The following CNTN4 variants were observed in gnomAD, a reference collection of about 807,000 sequenced individuals.
CNTN4 encodes contactin-4.
Under a neutral mutation model 122.5 loss-of-function variants are expected in CNTN4, and 77 were observed. The ratio of observed to expected loss-of-function variants is 0.63; its 90% confidence interval spans 0.52 to 0.76. The LOEUF is 0.76. CNTN4 is among the 30% of genes least tolerant of loss of function. The probability of loss-of-function intolerance (pLI) is 0.00; values close to 1 mark genes in which losing one functional copy is unlikely to be tolerated. For missense variants in CNTN4, 1,256 were observed against 1,259.1 expected, an observed-to-expected ratio of 1.00 and a Z score of 0.04; for synonymous variants, 512 against 447.0, an observed-to-expected ratio of 1.15 and a Z score of -1.83.
chr3:2,653,794 A>G (rs550091206), intron 4 of CNTN4, among the ~76,000 whole-genome samples: 98 of 152,260 alleles, frequency 6.4e-4, no homozygotes, highest in Non-Finnish European at 6.6e-4. Flanking sequence ...ATGGACACTA[A>G]ATGAATGAAT....
At chr3:2,467,231 A>G (rs1283538239) in intron 3 of CNTN4, among the ~76,000 whole-genome samples, 1 of 150,988 alleles carries the variant, frequency 6.6e-6, no homozygotes. Context: ...AAATTGGTGC[A>G]CTTTTGCTAA....
chr3:2,889,035 G>C (rs564022277), intron 10 of CNTN4, among the ~76,000 whole-genome samples: 74 of 151,346 alleles, frequency 4.9e-4, no homozygotes, highest in Middle Eastern at 3.4e-3. Context: ...GGGAGGGAGG[G>C]AGGGAAAGGG....
chr3:2,675,727 G>A (rs1189726845), intron 4 of CNTN4, among the ~76,000 whole-genome samples: 1 of 152,082 alleles, frequency 6.6e-6, no homozygotes, highest in African/African-American at 2.4e-5. Flanking sequence ...ATCTAACAGG[G>A]GACCCAGGTC....
At position 2,776,646 on chromosome 3, in the gene CNTN4, G is replaced by C. The variant is rs543556386; in HGVS notation, c.358+30949G>C. 5.9e-5 allele frequency among the ~76,000 whole-genome samples: 9 copies of C among 152,288 alleles called. 1 individual carries two copies. Among genetic ancestry groups the C allele is most frequent in the Middle Eastern group, 6.8e-3 (2 of 294 alleles). ...TAAACTTCTTGAGGAAAGGGACTGT[G>C]TCTTCCTCCTCTTTGGTTCCCTGGG... On this transcript the variant is annotated intron_variant, in intron 6 of 24. Coordinates refer to ENST00000418658, the MANE Select transcript of CNTN4 (RefSeq NM_175607.3).
chr3:2,377,591 G>T (rs571841871), intron 3 of CNTN4, among the ~76,000 whole-genome samples: 2 of 152,174 alleles, frequency 1.3e-5, no homozygotes, highest in East Asian at 3.8e-4. Context: ...AGCTGTGAGA[G>T]AGAGAGAGCT....
intron 17 of CNTN4, among the ~76,000 whole-genome samples, chr3:3,036,627 C>T (rs1217924457): frequency 7.3e-5 from 11 of 150,652 alleles, no homozygotes; most frequent in African/African-American, 2.4e-4. Context: ...AATAGACAGG[C>T]ATAGTGGCAT....
At chr3:2,904,520 T>C (rs1206136781) in intron 12 of CNTN4, among the ~76,000 whole-genome samples, 1 of 152,186 alleles carries the variant, frequency 6.6e-6, no homozygotes, top group Non-Finnish European at 1.5e-5. Flanking sequence ...GGCCTAGTAA[T>C]GGTTTTATGC....
chr3:2,981,819 C>T (rs769176312), intron 13 of CNTN4, among the ~76,000 whole-genome samples: 7 of 152,042 alleles, frequency 4.6e-5, no homozygotes, highest in South Asian at 2.1e-4. Context: ...CTGAGGCCCT[C>T]GGATCACTTG....
At chr3:2,572,620 G>C (rs536366083) in intron 4 of CNTN4, among the ~76,000 whole-genome samples, 1 of 152,232 alleles carries the variant, frequency 6.6e-6, no homozygotes, top group Non-Finnish European at 1.5e-5. Context: ...AAGTCCAAGA[G>C]GGACACCTGA....
At chr3:2,734,004 G>A (rs2149477812) in intron 4 of CNTN4, among the ~76,000 whole-genome samples, 1 of 152,196 alleles carries the variant, frequency 6.6e-6, no homozygotes. Flanking sequence ...AAATGTGTAG[G>A]TACATGTGTG....
At chr3:2,311,655 T>C (rs11921455) in intron 2 of CNTN4, among the ~76,000 whole-genome samples, 3,382 of 152,224 alleles carry the variant, frequency 0.022, 139 homozygotes, top group African/African-American at 0.077. Context: ...TCTTCACTGA[T>C]CCGGCATGCT....
At chr3:2,943,912 G>A (rs571646027) in intron 13 of CNTN4, among the ~76,000 whole-genome samples, 1 of 151,996 alleles carries the variant, frequency 6.6e-6, no homozygotes, top group South Asian at 2.1e-4. Flanking sequence ...CAGTTCCCTA[G>A]CAATTGATTT....
At chr3:2,207,368 C>T (rs1307935341) in intron 2 of CNTN4, among the ~76,000 whole-genome samples, 1 of 151,896 alleles carries the variant, frequency 6.6e-6, no homozygotes, top group Non-Finnish European at 1.5e-5. Context: ...TGAGAGTAGG[C>T]CAAAAAGGTA....
intron 6 of CNTN4, among the ~76,000 whole-genome samples, chr3:2,781,759 C>G (rs181337526): frequency 0.095 from 10,567 of 110,792 alleles, 924 homozygotes; most frequent in African/African-American, 0.21. Context: ...GAGTGTCGCT[C>G]TGTCGCCCAG....
At chr3:2,460,721 G>T (rs1045477096) in intron 3 of CNTN4, among the ~76,000 whole-genome samples, 1 of 152,140 alleles carries the variant, frequency 6.6e-6, no homozygotes, top group East Asian at 1.9e-4. Flanking sequence ...AGGTCTCAAC[G>T]CAAATCTTTT....
At chr3:2,521,343 T>TCGGCCCCCCCCCCCCCCCCCCC (rs781282977) in intron 3 of CNTN4, among the ~76,000 whole-genome samples, 8 of 128,306 alleles carry the variant, frequency 6.2e-5, no homozygotes, top group African/African-American at 6.3e-5. Flanking sequence ...CCTCTACCCA[T>TCGGCCCCCCCCCCCCCCCCCCC]CCCCCCCACC....
At chr3:2,659,175 A>G (rs2083749806) in intron 4 of CNTN4, among the ~76,000 whole-genome samples, 1 of 152,040 alleles carries the variant, frequency 6.6e-6, no homozygotes, top group Non-Finnish European at 1.5e-5. Context: ...TCTTAAAAAT[A>G]GGAGCAGGCC....
intron 13 of CNTN4, among the ~76,000 whole-genome samples, chr3:2,936,896 C>T (rs1023357671): frequency 3.3e-5 from 5 of 152,196 alleles, no homozygotes; most frequent in African/African-American, 1.2e-4. Context: ...CAGGACACAG[C>T]CATACTCATT....
intron 2 of CNTN4, among the ~76,000 whole-genome samples, chr3:2,290,100 T>C (rs748863946): frequency 3.3e-5 from 5 of 152,160 alleles, no homozygotes; most frequent in Non-Finnish European, 7.3e-5. Flanking sequence ...TTTATCTTTC[T>C]GCCCAAAATA....
Sources: gnomAD v4.1 joint callset for allele counts (sites outside exome capture counted in the v4.1 genomes callset) on GRCh38, gnomAD v4.1.1 for gene constraint, MANE v1.5 for transcripts, NCBI Gene and HGNC (gene_info 2026-07-23, HGNC 2026-07-21) for gene names.